The following FBN1 variants were observed in gnomAD, a reference collection of about 807,000 sequenced individuals.
FBN1 encodes fibrillin 1, also known as fibrillin-1.
A neutral mutation model predicts 365.1 loss-of-function variants in FBN1; 29 were observed. The ratio of observed to expected loss-of-function variants is 0.08; its 90% CI spans 0.06 to 0.11. FBN1 has a LOEUF of 0.11. FBN1 is among the 10% of genes least tolerant of loss of function. The probability of loss-of-function intolerance (pLI) is 1.00; values close to 1 mark genes in which losing one functional copy is unlikely to be tolerated. For missense variants in FBN1, 2,476 were observed against 3,703.2 expected (o/e 0.67, Z 8.60); for synonymous variants, 1,210 against 1,270.5 (o/e 0.95, Z 1.01).
rs1261465806 is a variant in FBN1, at chr15:48,483,926, C to T, written c.3730G>A (p.Asp1244Asn). The change falls in exon 31 of 66, where the codon GAT becomes AAT. Residue 1244 changes from aspartate (D) to asparagine (N), a missense_variant. Physicochemically the swap from Asp to Asn is conservative, Grantham distance 23. This residue lies in a region of FBN1 where 1,780 missense variants were observed against 2,840.8 expected (regional missense o/e 0.63). Transcript: ENST00000316623. ...RSCTDIDECE[D>N]NPNICDGGQC... Reference sequence around the variant, plus strand: ...CCACCATCACAGATATTGGGATTATCTTCACACTCATCGATGTCTGCAAAG... The same window carrying T: ...CCACCATCACAGATATTGGGATTATTTTCACACTCATCGATGTCTGCAAAG... 4.3e-6 allele frequency: 7 copies of T among 1,613,360 alleles called. No individual in the cohort carries two copies. In the South Asian group the frequency reaches 7.7e-5, roughly 18 times the overall value.
At chr15:48,518,470 C>G (rs1256405213) in intron 10 of FBN1, among the ~76,000 whole-genome samples, 1 of 152,212 alleles carries the variant, frequency 6.6e-6, no homozygotes, top group African/African-American at 2.4e-5. Flanking sequence ...TTCGGCCTTT[C>G]TTTTTAAGAC....
chr15:48,589,738 C>T (rs868352427), intron 6 of FBN1, among the ~76,000 whole-genome samples: 2 of 151,458 alleles, frequency 1.3e-5, no homozygotes, highest in Admixed American at 1.3e-4. Context: ...TTCAGCCTCC[C>T]GAGTAACTGG....
intron 6 of FBN1, among the ~76,000 whole-genome samples, chr15:48,539,720 C>T (rs889621393): frequency 3.9e-5 from 6 of 152,056 alleles, no homozygotes; most frequent in African/African-American, 1.4e-4. Context: ...ACCTCTGTGT[C>T]CCTCTTCTCT....
intron 54 of FBN1, 67 bp from the exon 55 acceptor site, chr15:48,433,055 ACTAAAACT>A: frequency 6.3e-7 from 1 of 1,577,766 alleles, no homozygotes; most frequent in Non-Finnish European, 8.7e-7. Flanking sequence ...TACCAATTGA[ACTAAAACT>A]CTAAAACTTT....
At chr15:48,497,225 T>C (rs747655101) in intron 19 of FBN1, 41 bp downstream of exon 19, 3 of 1,613,556 alleles carry the variant, frequency 1.9e-6, no homozygotes, top group South Asian at 1.1e-5. Flanking sequence ...AAGGAATGCA[T>C]TATGCAGGCA....
chr15:48,570,420 G>A (rs142935843), intron 6 of FBN1, among the ~76,000 whole-genome samples: 27 of 151,234 alleles, frequency 1.8e-4, no homozygotes, highest in Non-Finnish European at 3.2e-4. Context: ...AAATACACAT[G>A]CAAAAAATTT....
intron 2 of FBN1, among the ~76,000 whole-genome samples, chr15:48,628,854 T>G (rs1193908382): frequency 6.6e-6 from 1 of 152,152 alleles, no homozygotes; most frequent in African/African-American, 2.4e-5. Context: ...GAGAGACTAG[T>G]AGTAATGATG....
chr15:48,502,569 T>C (rs2043670450), intron 17 of FBN1, among the ~76,000 whole-genome samples: 1 of 152,222 alleles, frequency 6.6e-6, no homozygotes, highest in South Asian at 2.1e-4. Context: ...AGGTCTAACT[T>C]TATTTTAGGA....
At chr15:48,444,502 C>T (rs1401580432) in intron 49 of FBN1, 39 bp downstream of exon 49, 3 of 1,611,800 alleles carry the variant, frequency 1.9e-6, no homozygotes, top group South Asian at 1.1e-5. Flanking sequence ...CAGTGGACAC[C>T]CGACACTCCT....
chr15:48,548,103 T>C (rs368204995), intron 6 of FBN1, among the ~76,000 whole-genome samples: 2 of 152,128 alleles, frequency 1.3e-5, no homozygotes, highest in Non-Finnish European at 2.9e-5. Context: ...CAACAGATGA[T>C]CCATATTCTT....
chr15:48,616,560 T>C (rs748767741), intron 2 of FBN1, among the ~76,000 whole-genome samples: 1 of 152,260 alleles, frequency 6.6e-6, no homozygotes, highest in Non-Finnish European at 1.5e-5. Context: ...TGAGACATGC[T>C]GGATTATTTC....
chr15:48,608,407 G>A (rs962996842), intron 4 of FBN1, among the ~76,000 whole-genome samples: 4 of 152,164 alleles, frequency 2.6e-5, no homozygotes, highest in African/African-American at 9.7e-5. Flanking sequence ...CTATTAGCAG[G>A]AAAGTTAGCA....
intron 63 of FBN1, chr15:48,416,607 A>C (rs572501983): frequency 8.5e-5 from 13 of 152,368 alleles, no homozygotes; most frequent in African/African-American, 2.6e-4. Flanking sequence ...GGACCTGCCA[A>C]GTCTGATGCT....
At chr15:48,538,601 C>T (rs1321831367) in intron 6 of FBN1, among the ~76,000 whole-genome samples, 4 of 150,448 alleles carry the variant, frequency 2.7e-5, no homozygotes, top group African/African-American at 9.8e-5. Context: ...TTTTTTCCTA[C>T]AGAGAGAGAG....
At chr15:48,593,171 T>C (rs572862416) in intron 6 of FBN1, among the ~76,000 whole-genome samples, 3 of 152,326 alleles carry the variant, frequency 2.0e-5, no homozygotes, top group Non-Finnish European at 2.9e-5. Context: ...TCATGGATGA[T>C]TAAGATTGAC....
chr15:48,469,801 G>T (rs59284962), intron 36 of FBN1, among the ~76,000 whole-genome samples: 1,535 of 152,176 alleles, frequency 0.01, 28 homozygotes, highest in African/African-American at 0.035. Flanking sequence ...GCATGCAAGA[G>T]ACCCAGCCTG....
At position 48,503,923 on chromosome 15, in the gene FBN1, G is replaced by A. The variant is rs750118053; in HGVS notation, c.1977C>T (p.Ser659=). The A allele has an allele frequency of 1.2e-6, 2 of 1,614,072 alleles. No homozygotes were observed. Among genetic ancestry groups the A allele is most frequent in the East Asian group, 4.5e-5 (2 of 44,904 alleles). ...GRVCVDTHMR[S]TCYGGYKRGQ... is the part of the protein sequence containing the mutation. ...CTCTCTTGTATCCACCATAGCATGT[G>A]CTCCGCATGTGTGTGTCTAAACAGG... Residue 659 remains serine, a synonymous_variant, in exon 17 of 66, where the codon AGC becomes AGT. Transcript: ENST00000316623.
rs2043845677 is a variant in FBN1 at position 48,520,714 on chromosome 15, T to G, written c.1092A>C (p.Arg364=). Residue 364 remains arginine, a synonymous_variant, in exon 10 of 66, where the codon CGA becomes CGC. Coordinates refer to ENST00000316623, the MANE Select transcript of FBN1 (RefSeq NM_000138.5). ...CGACAGTGACCCCTGGAGACCAGCATCGGCCGGCATCACAGCAGCACTGCA... is the reference window on the plus strand; with the variant it reads ...CGACAGTGACCCCTGGAGACCAGCAGCGGCCGGCATCACAGCAGCACTGCA... The part of the protein sequence containing the change: ...TKMQCCCDAG[R]CWSPGVTVAP... 1.2e-6 allele frequency: 2 copies of G among 1,614,032 alleles called. No individual in the cohort carries two copies. Among genetic ancestry groups the G allele is most frequent in the Non-Finnish European group, 1.7e-6 (2 of 1,180,030 alleles).
Position 48,615,599 on chromosome 15 carries a change from G to A in FBN1, c.165-2507C>T, listed in dbSNP as rs571813917. 2.5e-3 allele frequency among the ~76,000 whole-genome samples: 375 copies of A among 152,194 alleles called. 1 individual carries two copies. Among genetic ancestry groups the A allele is most frequent in the African/African-American group, 8.7e-3 (360 of 41,540 alleles). ...AAACCTTCACAAGAGTAAAAGTAAT[G>A]GGACAGATGACATAACTCGGGAAAC... is the stretch of plus-strand genomic sequence containing the variant. On this transcript the variant is annotated intron_variant, in intron 2 of 65. Transcript: ENST00000316623.
Sources: allele counts gnomAD v4.1 joint callset (sites outside exome capture counted in the v4.1 genomes callset), GRCh38; gene constraint gnomAD v4.1.1; regional missense constraint gnomAD v4.1.1; transcripts MANE v1.5; gene names NCBI Gene and HGNC (gene_info 2026-07-23, HGNC 2026-07-21).